The following IL23R variants were observed in gnomAD, a reference collection of about 807,000 sequenced individuals.
IL23R encodes interleukin-23 receptor.
A neutral mutation model predicts 56.9 loss-of-function variants in IL23R; 34 were observed. The observed-to-expected ratio is 0.60, with a 90% confidence interval of 0.45 to 0.80. The LOEUF is 0.80. Ranked by LOEUF, IL23R falls within the 30% of genes least tolerant of loss-of-function variation. The pLI is 0.00. For synonymous variants in IL23R, 230 were observed against 249.2 expected (o/e 0.92, Z 0.73); for missense variants, 635 against 730.0 (o/e 0.87, Z 1.50).
chr1:67,220,368 C>CA (rs1025561088), intron 7 of IL23R, among the ~76,000 whole-genome samples: 60 of 141,916 alleles, frequency 4.2e-4, no homozygotes, highest in Admixed American at 9.8e-4. Context: ...GACTTGGTCT[C>CA]AAAAAAAAAT....
At position 67,221,550 on chromosome 1, in the gene IL23R, T is replaced by G. The variant is rs1650253326; in HGVS notation, c.955+1820T>G. Among the ~76,000 whole-genome samples the G allele has an allele frequency of 3.3e-5, 5 of 152,316 alleles. No homozygotes were observed. The South Asian group carries it at 1.0e-3, about 32-fold the overall frequency. On this transcript the variant is annotated intron_variant, in intron 7 of 10. Coordinates refer to ENST00000347310, the MANE Select transcript of IL23R (RefSeq NM_144701.3). ...TTATTCATGCCATTCAATAACATCT[T>G]AGCCAAATAGACTTCAGTTGAAGCA...
intron 3 of IL23R, among the ~76,000 whole-genome samples, chr1:67,171,117 A>T (rs1393027039): frequency 6.6e-6 from 1 of 152,154 alleles, no homozygotes; most frequent in African/African-American, 2.4e-5. Context: ...CCAAACCTCA[A>T]TGCCCAAATA....
chr1:67,159,451 C>T (rs1646798709), intron 1 of IL23R, among the ~76,000 whole-genome samples: 1 of 152,124 alleles, frequency 6.6e-6, no homozygotes, highest in African/African-American at 2.4e-5. Context: ...AACTGTGAGT[C>T]AATTAAACCT....
intron 4 of IL23R, among the ~76,000 whole-genome samples, chr1:67,184,098 G>A (rs563954469): frequency 3.9e-5 from 6 of 152,066 alleles, no homozygotes; most frequent in African/African-American, 1.2e-4. Context: ...GCTGGGCGTG[G>A]TGGTGGGCGC....
chr1:67,222,727 A>G (rs1028087180), intron 7 of IL23R, among the ~76,000 whole-genome samples: 3 of 152,232 alleles, frequency 2.0e-5, no homozygotes, highest in African/African-American at 7.2e-5. Context: ...CTTACTAAAT[A>G]GTACATTGCT....
chr1:67,200,732 T>A lies in IL23R; in HGVS notation c.492-5T>A, dbSNP rs2102622782. The A allele has an allele frequency of 6.2e-7, 1 of 1,613,262 alleles. No individual in the cohort carries two copies. The highest frequency in any genetic ancestry group is 8.5e-7 in the Non-Finnish European group (1 of 1,179,370). On this transcript the variant is annotated splice_region_variant and splice_polypyrimidine_tract_variant and intron_variant, in intron 4 of 10. Transcript: ENST00000347310. ...TTTATGATCATCTTTTTTTTTTGTT[T>A]TAAGTTTAGAGACAGAAGAAGAGCA...
rs1649261460 is a variant in IL23R, at chr1:67,208,879, T to A, written c.798+1824T>A. On this transcript the variant is annotated intron_variant, in intron 6 of 10. Coordinates refer to ENST00000347310, the MANE Select transcript of IL23R (RefSeq NM_144701.3). ...AGCTTGAACCGTGCACCTGGAAAAG[T>A]TGCAGACACTCAATACCAGCCCATG... is the stretch of plus-strand genomic sequence containing the variant. Among the ~76,000 whole-genome samples the A allele has an allele frequency of 2.0e-5, 3 of 152,216 alleles. No homozygotes were observed. The South Asian group carries it at 6.2e-4, about 32-fold the overall frequency.
intron 3 of IL23R, among the ~76,000 whole-genome samples, chr1:67,176,069 C>A (rs912287531): frequency 1.3e-5 from 2 of 152,138 alleles, no homozygotes; most frequent in African/African-American, 4.8e-5. Flanking sequence ...AACTCAATGA[C>A]AAATGACCAG....
At chr1:67,144,867 T>C (rs184519527) in intron 1 of IL23R, among the ~76,000 whole-genome samples, 9 of 152,346 alleles carry the variant, frequency 5.9e-5, no homozygotes, top group Admixed American at 5.2e-4. Flanking sequence ...TTTCTCACTC[T>C]GATCTATCTC....
upstream of IL23R, among the ~76,000 whole-genome samples, chr1:67,165,574 C>A (rs1230576535): frequency 2.0e-5 from 3 of 152,074 alleles, no homozygotes; most frequent in African/African-American, 7.2e-5. Context: ...ATTTTAAGTG[C>A]CTATCAGTGG....
intron 2 of IL23R, among the ~76,000 whole-genome samples, 156 bp from the exon 3 acceptor site, chr1:67,169,186 G>C (rs1218013501): frequency 6.7e-6 from 1 of 148,888 alleles, no homozygotes; most frequent in Non-Finnish European, 1.5e-5. Flanking sequence ...ACTGTAATAG[G>C]CTAGTTTATG....
intron 5 of IL23R, among the ~76,000 whole-genome samples, chr1:67,205,406 A>T (rs1163339819): frequency 1.1e-4 from 16 of 152,240 alleles, no homozygotes. Flanking sequence ...TTCATAGAGA[A>T]TATTAACCTG....
chr1:67,256,578 C>G (rs1180335231), intron 10 of IL23R, among the ~76,000 whole-genome samples: 1 of 152,108 alleles, frequency 6.6e-6, no homozygotes, highest in Non-Finnish European at 1.5e-5. Flanking sequence ...AAACCCAGTC[C>G]AAGGGACAAA....
chr1:67,216,230 C>T (rs1340460121), intron 6 of IL23R, among the ~76,000 whole-genome samples: 1 of 152,208 alleles, frequency 6.6e-6, no homozygotes, highest in African/African-American at 2.4e-5. Context: ...TACTCTTTAA[C>T]TGTGAACTCA....
At chr1:67,160,291 C>T (rs1011467881) in intron 1 of IL23R, among the ~76,000 whole-genome samples, 1 of 152,202 alleles carries the variant, frequency 6.6e-6, no homozygotes, top group Non-Finnish European at 1.5e-5. Context: ...AATCTAGTCA[C>T]TGTTGTATAC....
intron 3 of IL23R, 139 bp downstream of exon 3, chr1:67,169,777 A>G (rs1390983831): frequency 2.4e-6 from 2 of 827,272 alleles, no homozygotes; most frequent in African/African-American, 1.7e-5. Flanking sequence ...CTGCAAACTC[A>G]AATGTCTCCA....
intron 9 of IL23R, among the ~76,000 whole-genome samples, chr1:67,244,160 T>G (rs993208581): frequency 2.6e-5 from 4 of 152,176 alleles, no homozygotes; most frequent in Admixed American, 6.5e-5. Context: ...TGGGTTGGTT[T>G]GTTTGTTTTC....
At chr1:67,182,731 G>T in intron 3 of IL23R, 105 bp from the exon 4 acceptor site, 3 of 1,184,666 alleles carry the variant, frequency 2.5e-6, no homozygotes, top group South Asian at 2.4e-5. Context: ...CATCATTCAC[G>T]CTGGGAGCTG....
intron 5 of IL23R, among the ~76,000 whole-genome samples, chr1:67,205,907 CTTTCTTTCTTTCTTTCTT>C (rs1648990759): frequency 8.2e-6 from 1 of 122,484 alleles, no homozygotes; most frequent in African/African-American, 2.7e-5. Flanking sequence ...TTCTTTCTTT[CTTTCTTTCTTTCTTTCTT>C]TTTCTTTCTT....
Sources: gnomAD v4.1 joint callset for allele counts (sites outside exome capture counted in the v4.1 genomes callset) on GRCh38, gnomAD v4.1.1 for gene constraint, MANE v1.5 for transcripts, NCBI Gene and HGNC (gene_info 2026-07-23, HGNC 2026-07-21) for gene names.